CORO2B: variants seen among roughly 807,000 people sequenced by gnomAD.
CORO2B encodes the protein coronin-2B.
In CORO2B, 26 loss-of-function variants were observed where a neutral mutation model predicts 58.8. That is an observed-to-expected ratio of 0.44 (90% CI 0.32 to 0.61). CORO2B has a LOEUF of 0.61. Ranked by LOEUF, CORO2B falls within the 20% of genes least tolerant of loss-of-function variation. CORO2B has a pLI of 0.04. For synonymous variants in CORO2B, 242 were observed against 253.8 expected, an observed-to-expected ratio of 0.95 and a Z score of 0.44; for missense variants, 460 against 645.1, an observed-to-expected ratio of 0.71 and a Z score of 3.11.
the CORO2B span, among the ~76,000 whole-genome samples, chr15:68,545,905 C>T: frequency 2.0e-5 from 3 of 152,318 alleles, no homozygotes; most frequent in South Asian, 4.1e-4. Context: ...GGAAGACTGT[C>T]AAGGCCAATG....
intron 1 of CORO2B, among the ~76,000 whole-genome samples, chr15:68,620,364 G>C (rs930597273): frequency 6.6e-6 from 1 of 152,212 alleles, no homozygotes; most frequent in African/African-American, 2.4e-5. Context: ...AAATAAACAT[G>C]GTTCGGGTGA....
chr15:68,593,823 G>T (rs1213413767), intron 1 of CORO2B, among the ~76,000 whole-genome samples: 1 of 152,172 alleles, frequency 6.6e-6, no homozygotes, highest in Admixed American at 6.5e-5. Context: ...GGGTGGGAAG[G>T]TCAAGGAAGG....
At chr15:68,574,447 C>T (rs1899240900), upstream of CORO2B, among the ~76,000 whole-genome samples, 1 of 152,168 alleles carries the variant, frequency 6.6e-6, no homozygotes, top group South Asian at 2.1e-4. Context: ...TGCAGGTAAT[C>T]CTAAAAGACT....
At chr15:68,711,130 C>T (rs981709938) in intron 4 of CORO2B, among the ~76,000 whole-genome samples, 6 of 152,122 alleles carry the variant, frequency 3.9e-5, no homozygotes, top group African/African-American at 1.4e-4. Context: ...AGGAGAATGC[C>T]CCTTCCATGC....
chr15:68,538,955 C>T, the CORO2B span, among the ~76,000 whole-genome samples: 2 of 152,164 alleles, frequency 1.3e-5, no homozygotes, highest in African/African-American at 2.4e-5. Context: ...TTTGAAAAAC[C>T]GTTAATCCTT....
At chr15:68,534,820 G>T in the CORO2B span, among the ~76,000 whole-genome samples, 5 of 152,314 alleles carry the variant, frequency 3.3e-5, no homozygotes, top group East Asian at 1.9e-4. Context: ...GTTCCATGTG[G>T]CTGGGGAGGC....
intron 1 of CORO2B, among the ~76,000 whole-genome samples, chr15:68,616,785 T>G (rs1900371536): frequency 6.6e-6 from 1 of 152,104 alleles, no homozygotes; most frequent in Non-Finnish European, 1.5e-5. Context: ...GTGCAGAGGA[T>G]GGCACAGTGT....
Position 68,725,793 on chromosome 15 carries a change from A to G in CORO2B, c.1312-50A>G, listed in dbSNP as rs768961821. On this transcript the variant is annotated intron_variant, in intron 11 of 11. Transcript: ENST00000261861. ...GACTCACCTGGGAAATCCTTGTCTCACCTGCTCTCTCCTGGGCCCTCCTTG... is the reference window on the plus strand; with the variant it reads ...GACTCACCTGGGAAATCCTTGTCTCGCCTGCTCTCTCCTGGGCCCTCCTTG... 5 of 1,606,358 alleles carry G rather than the reference A, an allele frequency of 3.1e-6. No homozygotes were observed. The African/African-American group carries it at 5.4e-5, about 17-fold the overall frequency.
chr15:68,532,353 A>C, the CORO2B span, among the ~76,000 whole-genome samples: 1 of 151,750 alleles, frequency 6.6e-6, no homozygotes, highest in Non-Finnish European at 1.5e-5. Flanking sequence ...AGCCTTTTGC[A>C]TTTCTGTTTT....
intron 2 of CORO2B, among the ~76,000 whole-genome samples, chr15:68,659,111 C>A (rs138211516): frequency 6.6e-6 from 1 of 152,316 alleles, no homozygotes; most frequent in Admixed American, 6.5e-5. Flanking sequence ...CTGCAGTGGA[C>A]GGTCTGCCTT....
intron 1 of CORO2B, among the ~76,000 whole-genome samples, chr15:68,604,909 T>A (rs1384012590): frequency 6.6e-6 from 1 of 151,060 alleles, no homozygotes; most frequent in Non-Finnish European, 1.5e-5. Context: ...AGGTCAGGAG[T>A]TCAAGACCAA....
At chr15:68,668,021 C>A (rs752956479) in intron 2 of CORO2B, among the ~76,000 whole-genome samples, 5 of 152,220 alleles carry the variant, frequency 3.3e-5, no homozygotes, top group Non-Finnish European at 7.3e-5. Context: ...ACACGTACAA[C>A]GGGCCAGGGA....
intron 1 of CORO2B, among the ~76,000 whole-genome samples, chr15:68,631,540 T>G (rs2140260354): frequency 6.6e-6 from 1 of 152,256 alleles, no homozygotes; most frequent in South Asian, 2.1e-4. Flanking sequence ...CCTCTCTTCT[T>G]CCAGAATCTC....
chr15:68,702,639 A>G (rs1892679048), intron 3 of CORO2B, among the ~76,000 whole-genome samples: 1 of 152,030 alleles, frequency 6.6e-6, no homozygotes, highest in South Asian at 2.1e-4. Context: ...CTGGCCCCTA[A>G]GCAAACACCT....
chr15:68,711,074 A>C (rs1362084343), intron 4 of CORO2B, among the ~76,000 whole-genome samples, 193 bp downstream of exon 4: 1 of 152,166 alleles, frequency 6.6e-6, no homozygotes, highest in Non-Finnish European at 1.5e-5. Context: ...CCTGGGGTCC[A>C]CAGAGGCCGG....
chr15:68,693,648 C>T (rs1265643955), intron 2 of CORO2B, among the ~76,000 whole-genome samples: 1 of 152,194 alleles, frequency 6.6e-6, no homozygotes, highest in African/African-American at 2.4e-5. Context: ...CACACCCATC[C>T]ACGCCCCTTG....
chr15:68,529,660 C>T, the CORO2B span, among the ~76,000 whole-genome samples: 1 of 152,096 alleles, frequency 6.6e-6, no homozygotes, highest in Non-Finnish European at 1.5e-5. Flanking sequence ...ATTTATTGAT[C>T]TTTTTAAAAG....
chr15:68,554,810 G>A, the CORO2B span, among the ~76,000 whole-genome samples: 3 of 152,222 alleles, frequency 2.0e-5, no homozygotes, highest in Admixed American at 1.3e-4. Context: ...CCTTCCCAGA[G>A]AGTCAAACTC....
At chr15:68,686,044 T>C (rs1179620542) in intron 2 of CORO2B, among the ~76,000 whole-genome samples, 18 of 149,572 alleles carry the variant, frequency 1.2e-4, no homozygotes, top group Non-Finnish European at 1.0e-4. Flanking sequence ...TTTTCTTTTT[T>C]TTTTTTTTTT....
Sources: gnomAD v4.1 joint callset for allele counts (sites outside exome capture counted in the v4.1 genomes callset) on GRCh38, gnomAD v4.1.1 for gene constraint, MANE v1.5 for transcripts, NCBI Gene and HGNC (gene_info 2026-07-23, HGNC 2026-07-21) for gene names.